The following USP35 variants were observed in gnomAD, a reference collection of about 807,000 sequenced individuals.
USP35 encodes the protein ubiquitin carboxyl-terminal hydrolase 35.
USP35 carries 69 observed loss-of-function variants against 83.8 expected under a neutral mutation model. That is an observed-to-expected ratio of 0.82 (90% CI 0.68 to 1.01). The LOEUF (loss-of-function observed/expected upper bound fraction) is 1.01, where lower values mean the gene tolerates loss of function less well. Among genes scored for constraint, USP35 ranks in the 50% least tolerant of loss-of-function variants. The pLI, the probability that USP35 is intolerant of heterozygous loss-of-function variation, is 0.00. For synonymous variants in USP35, 714 were observed against 589.5 expected (o/e 1.21, Z -3.06); for missense variants, 1,503 against 1,362.5 (o/e 1.10, Z -1.62).
Position 78,209,853 on chromosome 11 carries a change from A to G in USP35, c.1998A>G (p.Glu666=). 6.2e-7 allele frequency: 1 copy of G among 1,612,440 alleles called. No individual in the cohort carries two copies. The highest frequency in any genetic ancestry group is 8.5e-7 in the Non-Finnish European group (1 of 1,179,230). ...SLYIEGLDSK[E]AGGQSSQEER... ...ACATCGAAGGCCTGGACTCCAAGGAAGCTGGTGGGCAGAGCAGTCAGGAGG... is the reference window on the plus strand; with the variant it reads ...ACATCGAAGGCCTGGACTCCAAGGAGGCTGGTGGGCAGAGCAGTCAGGAGG... The change falls in exon 10 of 11, where the codon GAA becomes GAG. Residue 666 remains glutamate, a synonymous_variant. Coordinates refer to ENST00000529308, the MANE Select transcript of USP35 (RefSeq NM_020798.4).
the USP35 span, among the ~76,000 whole-genome samples, chr11:78,235,842 C>A: frequency 1.3e-5 from 2 of 152,200 alleles, no homozygotes; most frequent in Admixed American, 1.3e-4. Context: ...TTCTTCTGAG[C>A]CCTCCAAACT....
At chr11:78,225,283 C>T in the USP35 span, 1 of 879,482 alleles carries the variant, frequency 1.1e-6, no homozygotes, top group East Asian at 2.4e-5. Context: ...CAGTGTGGTT[C>T]AAGGTCTTAC....
At chr11:78,226,974 C>T in the USP35 span, 2 of 1,613,702 alleles carry the variant, frequency 1.2e-6, no homozygotes, top group Non-Finnish European at 1.7e-6. Flanking sequence ...GTGTCCATTG[C>T]CCTGGGCAAG....
Position 78,200,188 on chromosome 11 carries a change from A to G in USP35, c.992A>G (p.Lys331Arg). Residue 331 changes from lysine (K) to arginine (R), a missense_variant, in exon 5 of 11, where the codon AAG (lysine) becomes AGG (arginine). Transcript: ENST00000529308. ...IVRGAALSVL[K>R]YMLLTFQHSH... is the part of the protein sequence containing the mutation. ...CGGGGAGCTGCCTTGTCTGTGCTCAAGTACATGCTCCTGACCTTCCAGCAC... is the reference window on the plus strand; with the variant it reads ...CGGGGAGCTGCCTTGTCTGTGCTCAGGTACATGCTCCTGACCTTCCAGCAC... The G allele has an allele frequency of 3.7e-6, 6 of 1,614,178 alleles. No individual in the cohort carries two copies. Among genetic ancestry groups the G allele is most frequent in the Non-Finnish European group, 5.1e-6 (6 of 1,180,026 alleles).
chr11:78,209,362 G>A, intron 9 of USP35, 86 bp from the exon 10 acceptor site: 1 of 1,382,512 alleles, frequency 7.2e-7, no homozygotes, highest in South Asian at 1.5e-5. Context: ...TGTGGCTGTT[G>A]GGGAAGGTAA....
chr11:78,211,763 TG>T (rs1218772264), intron 10 of USP35, among the ~76,000 whole-genome samples: 1 of 152,268 alleles, frequency 6.6e-6, no homozygotes, highest in Non-Finnish European at 1.5e-5. Flanking sequence ...GAGAAGTGTC[TG>T]TTCATGTCCT....
At chr11:78,235,715 A>G in the USP35 span, among the ~76,000 whole-genome samples, 3 of 152,134 alleles carry the variant, frequency 2.0e-5, no homozygotes, top group Non-Finnish European at 2.9e-5. Context: ...CAAGTTCCTC[A>G]TCTCCATCTG....
Position 78,210,091 on chromosome 11 carries a change from A to G in USP35, c.2236A>G (p.Ile746Val), listed in dbSNP as rs766195107. ...LGAGTHPDAA[I>V]PSGERTCGSE... ...AGCGGGGACCCACCCGGATGCTGCCATCCCCTCCGGGGAGCGGACATGTGG... is the reference window on the plus strand; with the variant it reads ...AGCGGGGACCCACCCGGATGCTGCCGTCCCCTCCGGGGAGCGGACATGTGG... The change falls in exon 10 of 11, where the codon ATC becomes GTC. Residue 746 changes from isoleucine to valine, a missense_variant. By Grantham distance (29) the Ile-to-Val change is conservative. Transcript: ENST00000529308. 10 of 1,614,058 alleles carry G rather than the reference A, an allele frequency of 6.2e-6. No homozygotes were observed. The highest frequency in any genetic ancestry group is 8.5e-6 in the Non-Finnish European group (10 of 1,179,980).
rs1223136286 is a variant in USP35 at position 78,214,996 on chromosome 11, G to A, written c.*1183G>A. Reference sequence around the variant, plus strand: ...TCCCCAGGGGCTGCCTGCTGTGATGGTGGTGTGGAGTTTGGGCCCAATGTC... The same window carrying A: ...TCCCCAGGGGCTGCCTGCTGTGATGATGGTGTGGAGTTTGGGCCCAATGTC... On this transcript the variant is annotated 3_prime_UTR_variant, in exon 11 of 11. Transcript: ENST00000529308. 2.0e-5 allele frequency among the ~76,000 whole-genome samples: 3 copies of A among 152,128 alleles called. No homozygotes were observed. Among genetic ancestry groups the A allele is most frequent in the Admixed American group, 6.5e-5 (1 of 15,270 alleles).
chr11:78,222,947 C>G, the USP35 span, among the ~76,000 whole-genome samples: 4 of 152,140 alleles, frequency 2.6e-5, no homozygotes, highest in African/African-American at 9.7e-5. Context: ...CTGCTCCTGG[C>G]CAGGTCGGTG....
chr11:78,211,722 C>T (rs764284730), intron 10 of USP35, among the ~76,000 whole-genome samples: 5 of 152,136 alleles, frequency 3.3e-5, no homozygotes, highest in African/African-American at 9.7e-5. Context: ...TTCTTTCGTA[C>T]GTTTGTTGGC....
Position 78,196,186 on chromosome 11 carries a change from C to A in USP35, c.-10-50C>A. ...GCACTCGGGGACTGCACCGGGAACT[C>A]TTGAGCCCCGCGGTTGTCGGGCTGT... is the stretch of plus-strand genomic sequence containing the variant. On this transcript the variant is annotated intron_variant, in intron 1 of 10. Transcript: ENST00000529308. This position sits in a 1 kb window ranked among gnomAD's most constrained non-coding sequence, Gnocchi z 4.8. The A allele has an allele frequency of 6.5e-7, 1 of 1,528,514 alleles. No individual in the cohort carries two copies. The highest frequency in any genetic ancestry group is 8.7e-7 in the Non-Finnish European group (1 of 1,148,488). The allele number at this position is 1,528,514 out of a possible 1,614,324, so 94.7% of individuals were successfully genotyped here. A position where few individuals can be genotyped will look rare whatever the true frequency, so the allele number is the denominator to read the frequency against.
chr11:78,220,991 A>T, the USP35 span, among the ~76,000 whole-genome samples: 1 of 152,176 alleles, frequency 6.6e-6, no homozygotes, highest in African/African-American at 2.4e-5. Flanking sequence ...TAGCTCCTCC[A>T]AGATCTGAAG....
Position 78,214,751 on chromosome 11 carries a change from G to A in USP35, c.*938G>A, listed in dbSNP as rs1864028645. The A allele has an allele frequency of 1.3e-5, 2 of 150,900 alleles. No individual in the cohort carries two copies. Among genetic ancestry groups the A allele is most frequent in the South Asian group, 4.1e-4 (2 of 4,832 alleles). 9.3% of individuals were successfully genotyped at this position (150,900 alleles called of 1,614,324 possible). ...GGACTCAGGGGCTGTGATGGCCACT[G>A]GGTTTTGCTCACGGGGTCTGGGGAG... On this transcript the variant is annotated 3_prime_UTR_variant, in exon 11 of 11. Coordinates refer to ENST00000529308, the MANE Select transcript of USP35 (RefSeq NM_020798.4).
intron 6 of USP35, among the ~76,000 whole-genome samples, chr11:78,202,354 G>A (rs985217042): frequency 1.3e-5 from 2 of 152,226 alleles, no homozygotes; most frequent in Admixed American, 6.5e-5. Context: ...TTCTGGCTTC[G>A]TCTGGGCTCT....
At chr11:78,221,257 G>A in the USP35 span, among the ~76,000 whole-genome samples, 1 of 152,236 alleles carries the variant, frequency 6.6e-6, no homozygotes, top group Admixed American at 6.5e-5. Flanking sequence ...AAATCTCAGG[G>A]AAGAAATATC....
intron 10 of USP35, among the ~76,000 whole-genome samples, chr11:78,212,866 G>A (rs759229165): frequency 2.6e-5 from 4 of 152,128 alleles, no homozygotes; most frequent in African/African-American, 4.8e-5. Context: ...GCTGAAGGAG[G>A]AGTACAGGGA....
chr11:78,209,100 G>T, intron 9 of USP35, 137 bp downstream of exon 9: 1 of 896,632 alleles, frequency 1.1e-6, no homozygotes, highest in South Asian at 1.8e-5. Context: ...GAGAAGGGGT[G>T]TGCTGGAAGG....
the USP35 span, chr11:78,220,401 C>T: frequency 6.3e-7 from 1 of 1,599,254 alleles, no homozygotes; most frequent in Non-Finnish European, 8.6e-7. Flanking sequence ...AGGGGCAGGA[C>T]TGTTCGTGCC....
Sources: gnomAD v4.1 joint callset for allele counts (sites outside exome capture counted in the v4.1 genomes callset) on GRCh38, gnomAD v4.1.1 for gene constraint, Gnocchi (gnomAD v3.1) non-coding constraint, MANE v1.5 for transcripts, NCBI Gene and HGNC (gene_info 2026-07-23, HGNC 2026-07-21) for gene names.